KCNAB1: variants seen among roughly 807,000 people sequenced by gnomAD.
KCNAB1 encodes the protein voltage-gated potassium channel subunit beta-1.
A neutral mutation model predicts 64.6 loss-of-function variants in KCNAB1; 35 were observed. That is an observed-to-expected ratio of 0.54 (90% CI 0.41 to 0.72). KCNAB1 has a LOEUF of 0.72. Ranked by LOEUF, KCNAB1 falls within the 30% of genes least tolerant of loss-of-function variation. The pLI is 0.00. For missense variants in KCNAB1, 401 were observed against 512.9 expected (o/e 0.78, Z 2.11); for synonymous variants, 177 against 183.8 (o/e 0.96, Z 0.30).
At chr3:156,119,290 A>C (rs751200376), upstream of KCNAB1, among the ~76,000 whole-genome samples, 55 of 152,210 alleles carry the variant, frequency 3.6e-4, no homozygotes, top group African/African-American at 1.3e-3. Context: ...ACTTGTTACC[A>C]AGCCATGTGA....
At chr3:156,439,450 C>T (rs895255434) in intron 2 of KCNAB1, among the ~76,000 whole-genome samples, 1 of 152,136 alleles carries the variant, frequency 6.6e-6, no homozygotes, top group African/African-American at 2.4e-5. Context: ...ATCTGCAAAG[C>T]TGGACTCTGT....
intron 1 of KCNAB1, among the ~76,000 whole-genome samples, chr3:156,409,549 C>T (rs1407698392): frequency 2.0e-5 from 3 of 152,144 alleles, no homozygotes; most frequent in African/African-American, 4.8e-5. Context: ...CATGAGAGGA[C>T]AATCTTTTCA....
At chr3:156,156,182 AG>A (rs1202027096) in intron 1 of KCNAB1, among the ~76,000 whole-genome samples, 1 of 152,168 alleles carries the variant, frequency 6.6e-6, no homozygotes, top group Non-Finnish European at 1.5e-5. Flanking sequence ...TTTATTGGGT[AG>A]GGCATTCCAA....
intron 1 of KCNAB1, among the ~76,000 whole-genome samples, chr3:156,410,110 T>G (rs1714541005): frequency 6.6e-6 from 1 of 152,234 alleles, no homozygotes; most frequent in African/African-American, 2.4e-5. Flanking sequence ...AAAATGAAAT[T>G]AAATAATAAA....
At chr3:156,256,733 G>C (rs1402591877) in intron 1 of KCNAB1, among the ~76,000 whole-genome samples, 1 of 152,304 alleles carries the variant, frequency 6.6e-6, no homozygotes, top group South Asian at 2.1e-4. Context: ...TACTCCTCCA[G>C]ATATACTTCC....
chr3:156,291,022 T>C (rs1221936513), intron 1 of KCNAB1: 4 of 985,692 alleles, frequency 4.1e-6, no homozygotes, highest in Non-Finnish European at 4.8e-6. Flanking sequence ...AAGCACCCCC[T>C]CTCTGCCTTC....
At chr3:156,345,576 G>C (rs541821187) in intron 1 of KCNAB1, among the ~76,000 whole-genome samples, 73 of 152,322 alleles carry the variant, frequency 4.8e-4, no homozygotes, top group African/African-American at 1.7e-3. Flanking sequence ...TTGGATGCAG[G>C]GCTGATAAGT....
intron 1 of KCNAB1, among the ~76,000 whole-genome samples, chr3:156,145,647 C>CT (rs909388613): frequency 1.3e-5 from 2 of 152,166 alleles, no homozygotes; most frequent in African/African-American, 4.8e-5. Flanking sequence ...TTTCTATTTT[C>CT]TTTTTTCTTG....
chr3:156,411,456 C>T (rs1714661561), intron 1 of KCNAB1, among the ~76,000 whole-genome samples: 2 of 152,116 alleles, frequency 1.3e-5, no homozygotes, highest in South Asian at 4.1e-4. Flanking sequence ...CATATTTTCT[C>T]CCATTTTTTC....
At chr3:156,399,929 T>TCAGTTACCAG (rs1713763895) in intron 1 of KCNAB1, among the ~76,000 whole-genome samples, 1 of 152,158 alleles carries the variant, frequency 6.6e-6, no homozygotes, top group Non-Finnish European at 1.5e-5. Flanking sequence ...ACCATCTAGT[T>TCAGTTACCAG]CAGTTACCAG....
At chr3:156,167,419 T>C (rs1423113070) in intron 1 of KCNAB1, among the ~76,000 whole-genome samples, 1 of 152,180 alleles carries the variant, frequency 6.6e-6, no homozygotes, top group Non-Finnish European at 1.5e-5. Flanking sequence ...AAATCACTTC[T>C]GGAAATTTCT....
chr3:156,342,617 T>A (rs1362406686), intron 1 of KCNAB1, among the ~76,000 whole-genome samples: 1 of 148,148 alleles, frequency 6.8e-6, no homozygotes, highest in Non-Finnish European at 1.5e-5. Context: ...TAATTTTTTT[T>A]TTTTTTATTA....
chr3:156,266,949 C>G (rs769654806), intron 1 of KCNAB1, among the ~76,000 whole-genome samples: 1 of 152,016 alleles, frequency 6.6e-6, no homozygotes, highest in South Asian at 2.1e-4. Flanking sequence ...CTACAGGCTC[C>G]CCATTACAGA....
intron 1 of KCNAB1, among the ~76,000 whole-genome samples, chr3:156,249,569 A>T (rs1717692058): frequency 1.3e-5 from 2 of 151,946 alleles, no homozygotes; most frequent in African/African-American, 4.8e-5. Flanking sequence ...CTAAAAAAAA[A>T]AGAAAAAAAA....
At chr3:156,449,309 T>G (rs1468659151) in intron 2 of KCNAB1, among the ~76,000 whole-genome samples, 1 of 152,226 alleles carries the variant, frequency 6.6e-6, no homozygotes, top group Non-Finnish European at 1.5e-5. Context: ...TTTCAGGCCC[T>G]GTATTTTTCA....
chr3:156,500,341 A>T (rs370547486), intron 8 of KCNAB1, among the ~76,000 whole-genome samples: 629 of 152,308 alleles, frequency 4.1e-3, no homozygotes, highest in Admixed American at 6.8e-3. Context: ...CTGAAGCACC[A>T]TGTGACTGCA....
rs547637248 is a variant in KCNAB1 at position 156,268,757 on chromosome 3, G to C, written c.275+147871G>C. Among the ~76,000 whole-genome samples the C allele has an allele frequency of 3.9e-5, 6 of 152,092 alleles. 1 individual carries two copies. Among genetic ancestry groups the C allele is most frequent in the African/African-American group, 1.2e-4 (5 of 41,496 alleles). On this transcript the variant is annotated intron_variant, in intron 1 of 13. Coordinates refer to ENST00000490337, the MANE Select transcript of KCNAB1 (RefSeq NM_172160.3). The stretch of plus-strand genomic sequence containing the variant: ...GTTGGTTGAGCTTCTTATATATTCT[G>C]GTTATTAATCTGTTGTCAGATAGAT...
In KCNAB1 at chr3:156,192,661, G is replaced by A. The variant is rs367767331; in HGVS notation, c.275+71775G>A. Among the ~76,000 whole-genome samples the A allele has an allele frequency of 6.7e-4, 102 of 151,920 alleles. 1 individual carries two copies. The highest frequency in any genetic ancestry group is 3.4e-3 in the Middle Eastern group (1 of 292). On this transcript the variant is annotated intron_variant, in intron 1 of 13. Coordinates refer to ENST00000490337, the MANE Select transcript of KCNAB1 (RefSeq NM_172160.3). ...AGTTTTTGTTTCATGCATTTTTGACGTTCTGTTATTAAGTACATGAATATT... is the reference window on the plus strand; with the variant it reads ...AGTTTTTGTTTCATGCATTTTTGACATTCTGTTATTAAGTACATGAATATT...
chr3:156,530,584 T>A (rs1045427481), intron 12 of KCNAB1, among the ~76,000 whole-genome samples: 9 of 152,130 alleles, frequency 5.9e-5, no homozygotes, highest in African/African-American at 2.2e-4. Context: ...ACTGTGAGAT[T>A]CTCTCTAGCA....
Sources: gnomAD v4.1 joint callset for allele counts (sites outside exome capture counted in the v4.1 genomes callset) on GRCh38, gnomAD v4.1.1 for gene constraint, MANE v1.5 for transcripts, NCBI Gene and HGNC (gene_info 2026-07-23, HGNC 2026-07-21) for gene names.